Variants in EDIL3 observed in about 807,000 individuals in gnomAD.
EDIL3 encodes the protein EGF-like repeat and discoidin I-like domain-containing protein 3.
Under a neutral mutation model 67.4 loss-of-function variants are expected in EDIL3, and 37 were observed. That is an observed-to-expected ratio of 0.55 (90% CI 0.42 to 0.72). The LOEUF (loss-of-function observed/expected upper bound fraction) is 0.72. Among genes scored for constraint, EDIL3 ranks in the 30% least tolerant of loss-of-function variants. EDIL3 has a pLI of 0.00. For synonymous variants in EDIL3, 195 were observed against 196.3 expected, an observed-to-expected ratio of 0.99 and a Z score of 0.05; for missense variants, 527 against 586.3, an observed-to-expected ratio of 0.90 and a Z score of 1.04.
chr5:84,319,835 G>A (rs1001658918), intron 1 of EDIL3, among the ~76,000 whole-genome samples: 1 of 152,132 alleles, frequency 6.6e-6, no homozygotes, highest in Non-Finnish European at 1.5e-5. Context: ...AAAAGGATGA[G>A]TTCATGTCCC....
chr5:84,062,259 T>C (rs2269285), intron 8 of EDIL3, among the ~76,000 whole-genome samples: 17,980 of 152,120 alleles, frequency 0.12, 1,663 homozygotes, highest in African/African-American at 0.25. Context: ...GTTAGTTTCA[T>C]AGTGGCATGC....
At chr5:84,202,186 T>G (rs2112379224) in intron 3 of EDIL3, among the ~76,000 whole-genome samples, 1 of 152,234 alleles carries the variant, frequency 6.6e-6, no homozygotes, top group South Asian at 2.1e-4. Context: ...AAGAGCCAGT[T>G]TGTAATTTAT....
At chr5:84,068,517 C>A (rs1746681400) in intron 6 of EDIL3, among the ~76,000 whole-genome samples, 1 of 152,198 alleles carries the variant, frequency 6.6e-6, no homozygotes, top group African/African-American at 2.4e-5. Flanking sequence ...TTGTATTTTT[C>A]TCTAAATCAT....
intron 9 of EDIL3, among the ~76,000 whole-genome samples, chr5:84,045,469 A>G (rs912095216): frequency 6.6e-6 from 1 of 152,196 alleles, no homozygotes; most frequent in African/African-American, 2.4e-5. Context: ...TTCAGAAGTC[A>G]AAACTTTGGT....
At chr5:83,985,446 A>T (rs564750496) in intron 9 of EDIL3, among the ~76,000 whole-genome samples, 2 of 152,218 alleles carry the variant, frequency 1.3e-5, no homozygotes, top group African/African-American at 4.8e-5. Context: ...TTTTGGTGAC[A>T]GAATTTAATT....
rs1241042959 is a variant in EDIL3 at position 83,965,188 on chromosome 5, T to C, written c.1138-1828A>G. On this transcript the variant is annotated intron_variant, in intron 9 of 10. Transcript: ENST00000296591. ...TTATATTTTCTCTCAATGATTTCTT[T>C]CCACTCTCTGTGACTCCTTCAGAAA... Among the ~76,000 whole-genome samples the C allele has an allele frequency of 2.5e-4, 38 of 152,206 alleles. 1 individual carries two copies. Among genetic ancestry groups the C allele is most frequent in the Admixed American group, 2.5e-3 (38 of 15,260 alleles).
intron 4 of EDIL3, 131 bp downstream of exon 4, chr5:84,180,262 A>C (rs1349409228): frequency 1.0e-6 from 1 of 978,492 alleles, no homozygotes; most frequent in African/African-American, 1.7e-5. Flanking sequence ...ATGGGAGAGA[A>C]GCAGCATTAG....
At chr5:84,362,355 A>C (rs1747627442) in intron 1 of EDIL3, among the ~76,000 whole-genome samples, 1 of 152,138 alleles carries the variant, frequency 6.6e-6, no homozygotes, top group Non-Finnish European at 1.5e-5. Context: ...TTTAAATTGT[A>C]TCTTCCTCAT....
chr5:84,103,601 C>T (rs1747406934), intron 6 of EDIL3, among the ~76,000 whole-genome samples: 1 of 151,836 alleles, frequency 6.6e-6, no homozygotes, highest in Admixed American at 6.6e-5. Context: ...ATGCAGCCAA[C>T]AATCATAGGA....
chr5:83,966,377 G>A lies in EDIL3; in HGVS notation c.1138-3017C>T, dbSNP rs192177826. 2.2e-3 allele frequency among the ~76,000 whole-genome samples: 335 copies of A among 152,142 alleles called. 11 individuals are homozygous for A. Among genetic ancestry groups the A allele is most frequent in the Non-Finnish European group, 3.5e-4 (24 of 67,992 alleles). ...GTTCCATGGACAAGAACCAGTTCAT[G>A]GCTATGAATGTCACTATGTATCAGA... On this transcript the variant is annotated intron_variant, in intron 9 of 10. Coordinates refer to ENST00000296591, the MANE Select transcript of EDIL3 (RefSeq NM_005711.5).
At chr5:84,276,330 A>T (rs1745582536) in intron 1 of EDIL3, among the ~76,000 whole-genome samples, 1 of 152,164 alleles carries the variant, frequency 6.6e-6, no homozygotes, top group African/African-American at 2.4e-5. Context: ...TGAATTTTTT[A>T]AAATATTTAC....
intron 4 of EDIL3, among the ~76,000 whole-genome samples, chr5:84,158,730 T>C (rs984442534): frequency 6.6e-6 from 1 of 152,084 alleles, no homozygotes; most frequent in African/African-American, 2.4e-5. Flanking sequence ...CTGGAAACCT[T>C]TATCCTAAGA....
chr5:84,292,056 A>AAACTTAAAGTTAAATTTTATTT (rs1315478367), intron 1 of EDIL3, among the ~76,000 whole-genome samples: 6 of 152,130 alleles, frequency 3.9e-5, no homozygotes, highest in East Asian at 1.9e-4. Context: ...GTGGCTATAT[A>AAACTTAAAGTTAAATTTTATTT]AACTTAAAGT....
At chr5:84,378,199 G>T (rs943902986) in intron 1 of EDIL3, among the ~76,000 whole-genome samples, 1 of 152,214 alleles carries the variant, frequency 6.6e-6, no homozygotes, top group South Asian at 2.1e-4. Context: ...TCACCATTAA[G>T]CAGGTTTTCA....
intron 9 of EDIL3, among the ~76,000 whole-genome samples, chr5:83,981,312 G>C (rs1371444252): frequency 2.0e-5 from 3 of 152,150 alleles, no homozygotes; most frequent in East Asian, 3.9e-4. Context: ...ATGTACATAT[G>C]TATGTACATG....
chr5:84,066,560 C>A lies in EDIL3; in HGVS notation c.698G>T (p.Gly233Val). Residue 233 changes from glycine to valine, a missense_variant, in exon 7 of 11, where the codon GGA becomes GTA. Coordinates refer to ENST00000296591, the MANE Select transcript of EDIL3 (RefSeq NM_005711.5). ...CTCTGGGCTTCCAATCCTCTTGGCTCCTTGGGTAATCACACCAGTAACTCT... is the reference window on the plus strand; with the variant it reads ...CTCTGGGCTTCCAATCCTCTTGGCTACTTGGGTAATCACACCAGTAACTCT... ...KMRVTGVITQ[G>V]AKRIGSPEYI... 1 of 1,613,418 alleles carries A rather than the reference C, an allele frequency of 6.2e-7. No homozygotes were observed. Among genetic ancestry groups the A allele is most frequent in the Non-Finnish European group, 8.5e-7 (1 of 1,179,818 alleles).
chr5:84,209,786 T>C (rs1335563066), intron 3 of EDIL3, among the ~76,000 whole-genome samples: 1 of 152,174 alleles, frequency 6.6e-6, no homozygotes, highest in Non-Finnish European at 1.5e-5. Context: ...AGTTCACTGG[T>C]AAATAAAATG....
intron 6 of EDIL3, among the ~76,000 whole-genome samples, chr5:84,094,238 C>T (rs973369091): frequency 1.3e-5 from 2 of 152,206 alleles, no homozygotes; most frequent in African/African-American, 4.8e-5. Context: ...ATGAAAAACT[C>T]ATTTCTAATA....
intron 9 of EDIL3, among the ~76,000 whole-genome samples, chr5:83,978,247 T>A (rs1371679687): frequency 6.6e-6 from 1 of 151,852 alleles, no homozygotes. Context: ...TAGAAACCCA[T>A]TCACTACAAC....
Sources: gnomAD v4.1 joint callset for allele counts (sites outside exome capture counted in the v4.1 genomes callset) on GRCh38, gnomAD v4.1.1 for gene constraint, MANE v1.5 for transcripts, NCBI Gene and HGNC (gene_info 2026-07-23, HGNC 2026-07-21) for gene names.